ADAM23: variants seen among roughly 807,000 people sequenced by gnomAD.
ADAM23 encodes the protein ADAM metallopeptidase domain 23, also known as disintegrin and metalloproteinase domain-containing protein 23.
Under a neutral mutation model 120.1 loss-of-function variants are expected in ADAM23, and 33 were observed. The observed-to-expected ratio is 0.27, with a 90% confidence interval of 0.21 to 0.37. The LOEUF (loss-of-function observed/expected upper bound fraction) is 0.37. Among genes scored for constraint, ADAM23 ranks in the 10% least tolerant of loss-of-function variants. The probability of loss-of-function intolerance (pLI) is 1.00; values close to 1 mark genes in which losing one functional copy is unlikely to be tolerated. For synonymous variants in ADAM23, 367 were observed against 375.2 expected, an observed-to-expected ratio of 0.98 and a Z score of 0.25; for missense variants, 862 against 1,058.2, an observed-to-expected ratio of 0.81 and a Z score of 2.57.
chr2:206,540,216 T>TACACACACACACACACACACACAC (rs71034461), intron 4 of ADAM23, among the ~76,000 whole-genome samples: 3 of 131,870 alleles, frequency 2.3e-5, no homozygotes, highest in African/African-American at 8.9e-5. Context: ...CCCTTCACTG[T>TACACACACACACACACACACACAC]ACACACACAC....
chr2:206,534,291 C>T (rs1697129465), intron 4 of ADAM23, among the ~76,000 whole-genome samples: 1 of 152,050 alleles, frequency 6.6e-6, no homozygotes, highest in African/African-American at 2.4e-5. Context: ...TGACTAGTTT[C>T]CTTTTTCGTC....
intron 3 of ADAM23, among the ~76,000 whole-genome samples, chr2:206,484,089 T>G (rs558584151): frequency 2.6e-5 from 4 of 152,174 alleles, no homozygotes; most frequent in African/African-American, 9.6e-5. Flanking sequence ...GGGTAGAGAC[T>G]GAAGGGAATG....
At chr2:206,611,124 T>C (rs1698818025) in intron 25 of ADAM23, among the ~76,000 whole-genome samples, 1 of 152,222 alleles carries the variant, frequency 6.6e-6, no homozygotes, top group Non-Finnish European at 1.5e-5. Context: ...TTTAAATACA[T>C]TCAACATTTT....
intron 24 of ADAM23, among the ~76,000 whole-genome samples, chr2:206,596,649 GA>G (rs1698531755): frequency 1.3e-5 from 2 of 152,150 alleles, no homozygotes. Context: ...ATTCTTCAAA[GA>G]AAATGTGAGA....
chr2:206,566,583 G>A (rs1464877273), intron 14 of ADAM23, among the ~76,000 whole-genome samples: 1 of 152,054 alleles, frequency 6.6e-6, no homozygotes, highest in African/African-American at 2.4e-5. Context: ...GATTAATAAT[G>A]AATATCACCA....
At chr2:206,583,900 C>T (rs891547387) in intron 18 of ADAM23, among the ~76,000 whole-genome samples, 2 of 152,076 alleles carry the variant, frequency 1.3e-5, no homozygotes, top group African/African-American at 4.8e-5. Context: ...TGCTGGTGAA[C>T]TAGTGTGATT....
intron 2 of ADAM23, among the ~76,000 whole-genome samples, chr2:206,461,329 G>A (rs778296151): frequency 7.2e-5 from 11 of 151,982 alleles, no homozygotes; most frequent in Non-Finnish European, 1.2e-4. Flanking sequence ...CCCGAAGTGC[G>A]TGATTACAGG....
At chr2:206,553,513 G>T in intron 9 of ADAM23, among the ~76,000 whole-genome samples, 1 of 152,132 alleles carries the variant, frequency 6.6e-6, no homozygotes, top group East Asian at 1.9e-4. Context: ...ACTATTTAAA[G>T]AAATAGTACT....
In ADAM23 at chr2:206,445,644, A is replaced by G. The variant is rs898372699; in HGVS notation, c.432+120A>G. The G allele has an allele frequency of 3.7e-6, 3 of 812,468 alleles. No homozygotes were observed. In the African/African-American group the frequency reaches 5.2e-5, roughly 14 times the overall value. 50.3% of individuals were successfully genotyped at this position (812,468 alleles called of 1,614,324 possible). A position where few individuals can be genotyped will look rare whatever the true frequency, so the allele number is the denominator to read the frequency against. ...CAGCATTTTATTAAGAAAGCAATTA[A>G]TATTATGATAGGGGAGAAACTGGAA... On this transcript the variant is annotated intron_variant, in intron 2 of 25. Coordinates refer to ENST00000264377, the MANE Select transcript of ADAM23 (RefSeq NM_003812.4).
chr2:206,583,894 G>C (rs1698270379), intron 18 of ADAM23, among the ~76,000 whole-genome samples: 1 of 152,050 alleles, frequency 6.6e-6, no homozygotes, highest in South Asian at 2.1e-4. Flanking sequence ...ATCCCTTGCT[G>C]GTGAACTAGT....
At chr2:206,495,950 ACTAT>A (rs1696236933) in intron 3 of ADAM23, among the ~76,000 whole-genome samples, 1 of 152,212 alleles carries the variant, frequency 6.6e-6, no homozygotes, top group African/African-American at 2.4e-5. Flanking sequence ...AGAAGAACTA[ACTAT>A]CCTAAATATA....
At position 206,560,087 on chromosome 2, in the gene ADAM23, A is replaced by G. The variant is rs777567314; in HGVS notation, c.1138A>G (p.Lys380Glu). 12 of 1,614,112 alleles carry G rather than the reference A, an allele frequency of 7.4e-6. No homozygotes were observed. In the Admixed American group the frequency reaches 8.3e-5, roughly 11 times the overall value. ...HEFSKYRQRI[K>E]QHADAVHLIS... ...GTTCTCAAAATACCGGCAGCGCATT[A>G]AGCAGCATGCTGATGCTGTGCACCT... The change falls in exon 11 of 26, where the codon AAG becomes GAG. Residue 380 changes from lysine (K) to glutamate (E), a missense_variant. Transcript: ENST00000264377.
chr2:206,467,071 C>T (rs1274806728), intron 2 of ADAM23, among the ~76,000 whole-genome samples: 1 of 150,820 alleles, frequency 6.6e-6, no homozygotes, highest in Non-Finnish European at 1.5e-5. Flanking sequence ...CACCTCCCAA[C>T]AGTCCACACC....
chr2:206,523,920 A>G (rs1009714082), intron 3 of ADAM23, among the ~76,000 whole-genome samples: 1 of 152,086 alleles, frequency 6.6e-6, no homozygotes, highest in Non-Finnish European at 1.5e-5. Context: ...GGGCATAACA[A>G]TGTCACTACG....
At chr2:206,471,934 A>T (rs1015498728) in intron 2 of ADAM23, among the ~76,000 whole-genome samples, 12 of 152,210 alleles carry the variant, frequency 7.9e-5, no homozygotes, top group Admixed American at 7.9e-4. Context: ...GTGCTGCTTT[A>T]CCCATTTTAA....
chr2:206,519,538 A>G (rs1696803372), intron 3 of ADAM23, among the ~76,000 whole-genome samples: 1 of 152,170 alleles, frequency 6.6e-6, no homozygotes, highest in South Asian at 2.1e-4. Flanking sequence ...TAACTTAAAA[A>G]AATAGTTGCC....
chr2:206,590,741 G>A (rs1337041162), intron 21 of ADAM23, among the ~76,000 whole-genome samples: 1 of 152,200 alleles, frequency 6.6e-6, no homozygotes, highest in East Asian at 1.9e-4. Flanking sequence ...TGTCTCATAA[G>A]TGAAGCACAG....
At chr2:206,487,842 T>C (rs977665856) in intron 3 of ADAM23, among the ~76,000 whole-genome samples, 7 of 152,208 alleles carry the variant, frequency 4.6e-5, no homozygotes, top group African/African-American at 1.7e-4. Context: ...ACATTCATCT[T>C]GAATGATGCC....
chr2:206,452,443 C>G (rs1019565490), intron 2 of ADAM23, among the ~76,000 whole-genome samples: 4 of 152,168 alleles, frequency 2.6e-5, no homozygotes, highest in Admixed American at 2.6e-4. Flanking sequence ...TAGTGTCATT[C>G]TGTCTTCACT....
Sources: allele counts gnomAD v4.1 joint callset (sites outside exome capture counted in the v4.1 genomes callset), GRCh38; gene constraint gnomAD v4.1.1; transcripts MANE v1.5; gene names NCBI Gene and HGNC (gene_info 2026-07-23, HGNC 2026-07-21).